SLC38A9: variants seen among roughly 807,000 people sequenced by gnomAD.
SLC38A9 encodes the protein solute carrier family 38 member 9.
A neutral mutation model predicts 62.3 loss-of-function variants in SLC38A9; 48 were observed. The ratio of observed to expected loss-of-function variants is 0.77; its 90% CI spans 0.61 to 0.98. SLC38A9 has a LOEUF of 0.98. SLC38A9 is among the 50% of genes least tolerant of loss of function. The pLI is 0.00. For missense variants in SLC38A9, 541 were observed against 679.8 expected, an observed-to-expected ratio of 0.80 and a Z score of 2.27; for synonymous variants, 204 against 227.7, an observed-to-expected ratio of 0.90 and a Z score of 0.94.
intron 13 of SLC38A9, chr5:55,635,222 C>A: frequency 3.2e-6 from 1 of 314,748 alleles, no homozygotes; most frequent in South Asian, 3.3e-5. Flanking sequence ...CTACTTGTAC[C>A]AGTTCCCCAC....
intron 2 of SLC38A9, among the ~76,000 whole-genome samples, chr5:55,698,711 T>C (rs149477141): frequency 3.4e-4 from 52 of 152,298 alleles, no homozygotes; most frequent in Admixed American, 1.2e-3. Context: ...GGCAGATCGC[T>C]TGAGGCTGGG....
chr5:55,639,268 T>C (rs1479426817), intron 12 of SLC38A9, among the ~76,000 whole-genome samples: 10 of 122,664 alleles, frequency 8.2e-5, no homozygotes, highest in Non-Finnish European at 1.4e-4. Context: ...AACGAAACTC[T>C]GTCTAAAAAA....
chr5:55,647,585 T>C (rs1746618906), intron 11 of SLC38A9, among the ~76,000 whole-genome samples: 1 of 152,242 alleles, frequency 6.6e-6, no homozygotes, highest in African/African-American at 2.4e-5. Context: ...GAATTTCCTG[T>C]CTCTCAGAGT....
At chr5:55,628,914 C>T (rs141877995) in intron 14 of SLC38A9, among the ~76,000 whole-genome samples, 3 of 152,186 alleles carry the variant, frequency 2.0e-5, no homozygotes, top group Admixed American at 1.3e-4. Flanking sequence ...ATCAAAGCAA[C>T]CCTTTGGGCC....
At chr5:55,699,086 T>C (rs1204444225) in intron 2 of SLC38A9, among the ~76,000 whole-genome samples, 1 of 151,994 alleles carries the variant, frequency 6.6e-6, no homozygotes, top group African/African-American at 2.4e-5. Flanking sequence ...AAACCCTGTC[T>C]CTACTAAAAA....
At chr5:55,709,658 T>C (rs1180060144) in intron 2 of SLC38A9, among the ~76,000 whole-genome samples, 1 of 152,206 alleles carries the variant, frequency 6.6e-6, no homozygotes, top group Non-Finnish European at 1.5e-5. Context: ...CATCCTCCTA[T>C]GCTGAGTTTA....
At chr5:55,696,827 G>A (rs1755892777) in intron 3 of SLC38A9, 1 of 160,178 alleles carries the variant, frequency 6.2e-6, no homozygotes, top group Non-Finnish European at 1.3e-5. Flanking sequence ...CGGGCGGAGG[G>A]TCTCCTCTCT....
intron 3 of SLC38A9, among the ~76,000 whole-genome samples, chr5:55,684,565 T>G (rs1441240842): frequency 3.3e-5 from 5 of 152,170 alleles, no homozygotes; most frequent in Admixed American, 6.5e-5. Context: ...TTACGTGAAG[T>G]CTCTCTTAGT....
At position 55,671,502 on chromosome 5, in the gene SLC38A9, C is replaced by CTTTTTTTTTTTTTT. The variant is rs145470405; in HGVS notation, c.246+1060_246+1061insAAAAAAAAAAAAAA. ...TGTGTACATATTTCAGTTTCCCATT[C>CTTTTTTTTTTTTTT]TTCTTTTTTTTTTTTTTTAAGAGAT... is the stretch of plus-strand genomic sequence containing the variant. On this transcript the variant is annotated intron_variant, in intron 4 of 15. Coordinates refer to ENST00000396865, the MANE Select transcript of SLC38A9 (RefSeq NM_173514.4). 2.1e-5 allele frequency among the ~76,000 whole-genome samples: 3 copies of CTTTTTTTTTTTTTT among 144,352 alleles called. 1 individual carries two copies. 94.7% of individuals were successfully genotyped at this position (144,352 alleles called of 152,430 possible).
intron 9 of SLC38A9, among the ~76,000 whole-genome samples, chr5:55,656,436 A>G (rs1246042182): frequency 1.3e-5 from 2 of 151,774 alleles, no homozygotes; most frequent in East Asian, 3.9e-4. Context: ...GATTATTCAC[A>G]GGCAAATATG....
chr5:55,689,418 C>G (rs1754414790), intron 3 of SLC38A9, among the ~76,000 whole-genome samples: 1 of 152,204 alleles, frequency 6.6e-6, no homozygotes, highest in Non-Finnish European at 1.5e-5. Context: ...TAACAAGACA[C>G]TGGCATTTCA....
chr5:55,668,044 C>T (rs1285052370), intron 7 of SLC38A9, among the ~76,000 whole-genome samples: 1 of 152,102 alleles, frequency 6.6e-6, no homozygotes, highest in African/African-American at 2.4e-5. Flanking sequence ...TGGTGGTATG[C>T]ACCTGTAGTC....
chr5:55,689,683 G>C (rs981140206), intron 3 of SLC38A9, among the ~76,000 whole-genome samples: 1 of 152,146 alleles, frequency 6.6e-6, no homozygotes, highest in African/African-American at 2.4e-5. Context: ...ACGAGTACCA[G>C]TCAAACCCAA....
At chr5:55,626,728 A>C in intron 15 of SLC38A9, 69 bp from the exon 16 acceptor site, 1 of 1,390,872 alleles carries the variant, frequency 7.2e-7, no homozygotes, top group Non-Finnish European at 9.6e-7. Flanking sequence ...AGGTAAACAT[A>C]GTACAATTTA....
intron 3 of SLC38A9, among the ~76,000 whole-genome samples, chr5:55,674,952 T>C (rs1751875509): frequency 6.6e-6 from 1 of 152,212 alleles, no homozygotes; most frequent in South Asian, 2.1e-4. Context: ...TCACACTCTA[T>C]AGTGCATTCT....
At chr5:55,646,245 C>T (rs1746323547) in intron 11 of SLC38A9, among the ~76,000 whole-genome samples, 1 of 152,216 alleles carries the variant, frequency 6.6e-6, no homozygotes, top group East Asian at 1.9e-4. Context: ...GTGGTGGAAG[C>T]CTGTAATCCC....
At chr5:55,695,273 C>T (rs201479579) in intron 3 of SLC38A9, among the ~76,000 whole-genome samples, 15 of 140,078 alleles carry the variant, frequency 1.1e-4, no homozygotes, top group African/African-American at 2.4e-4. Context: ...AAGACCATTT[C>T]TTTTTTTTTT....
intron 12 of SLC38A9, among the ~76,000 whole-genome samples, chr5:55,644,698 CG>C (rs1241718434): frequency 6.6e-6 from 1 of 151,980 alleles, no homozygotes; most frequent in Non-Finnish European, 1.5e-5. Flanking sequence ...GGATTACAGG[CG>C]TGAGCCACCA....
intron 3 of SLC38A9, among the ~76,000 whole-genome samples, chr5:55,678,638 A>G (rs1752538466): frequency 6.9e-6 from 1 of 145,516 alleles, no homozygotes; most frequent in Admixed American, 7.1e-5. Context: ...GATAAGACTG[A>G]AATGAACTTT....
Sources: allele counts gnomAD v4.1 joint callset (sites outside exome capture counted in the v4.1 genomes callset), GRCh38; gene constraint gnomAD v4.1.1; transcripts MANE v1.5; gene names NCBI Gene and HGNC (gene_info 2026-07-23, HGNC 2026-07-21).